The following CGAS variants were observed in gnomAD, a reference collection of about 807,000 sequenced individuals.
CGAS encodes cyclic GMP-AMP synthase, also known as 2'3'-cGAMP synthase.
Under a neutral mutation model 34.0 loss-of-function variants are expected in CGAS, and 31 were observed. The observed-to-expected ratio is 0.91, with a 90% CI of 0.69 to 1.23. The LOEUF (loss-of-function observed/expected upper bound fraction) is 1.23, where lower values mean the gene tolerates loss of function less well. Ranked by LOEUF, CGAS falls within the 50% of genes most tolerant of loss-of-function variation. The pLI, the probability that CGAS is intolerant of heterozygous loss-of-function variation, is 0.00. For missense variants in CGAS, 597 were observed against 657.6 expected (o/e 0.91, Z 1.01); for synonymous variants, 266 against 260.0 (o/e 1.02, Z -0.22).
intron 3 of CGAS, among the ~76,000 whole-genome samples, chr6:73,438,512 A>G (rs1225191106): frequency 6.6e-6 from 1 of 152,140 alleles, no homozygotes; most frequent in Non-Finnish European, 1.5e-5. Flanking sequence ...CCTGGCCAAC[A>G]TAATGAAACC....
chr6:73,428,189 A>T (rs981725651), intron 4 of CGAS, among the ~76,000 whole-genome samples: 3 of 151,244 alleles, frequency 2.0e-5, no homozygotes, highest in African/African-American at 2.4e-5. Context: ...GTGCCACTGC[A>T]CTCCAGTCTG....
At chr6:73,450,095 T>C (rs1291141948) in intron 1 of CGAS, among the ~76,000 whole-genome samples, 1 of 85,924 alleles carries the variant, frequency 1.2e-5, no homozygotes, top group Non-Finnish European at 2.8e-5. Context: ...GACAGAGAGA[T>C]AGAGAGAAGA....
intron 4 of CGAS, among the ~76,000 whole-genome samples, chr6:73,428,469 A>G (rs1770127699): frequency 6.6e-6 from 1 of 152,090 alleles, no homozygotes; most frequent in Non-Finnish European, 1.5e-5. Context: ...ACAAAAACAC[A>G]TTCATCTGAT....
chr6:73,445,597 T>C lies in CGAS; in HGVS notation c.808A>G (p.Ile270Val), dbSNP rs1770455781. The change falls in exon 2 of 5, where the codon ATA becomes GTA. Residue 270 changes from isoleucine to valine, a missense_variant. Around this residue, in one of 3 missense-constraint regions of CGAS, gnomAD observed 271 missense variants for 324.1 expected, o/e 0.84. Coordinates refer to ENST00000370315, the MANE Select transcript of CGAS (RefSeq NM_138441.3). ...NPLSQFLEGE[I>V]LSASKMLSKF... ...GACAGCATCTTAGAAGCTGATAATATTTCACCTTCTAAAAACTGACTCAGA... is the reference window on the plus strand; with the variant it reads ...GACAGCATCTTAGAAGCTGATAATACTTCACCTTCTAAAAACTGACTCAGA... The C allele has an allele frequency of 6.2e-7, 1 of 1,612,220 alleles. No homozygotes were observed. The highest frequency in any genetic ancestry group is 2.2e-5 in the East Asian group (1 of 44,708).
In CGAS at chr6:73,426,522, A is replaced by AT. The variant is rs113279771; in HGVS notation, c.1218-945dup. 6.8e-3 allele frequency among the ~76,000 whole-genome samples: 958 copies of AT among 140,652 alleles called. 8 individuals are homozygous for AT. Among genetic ancestry groups the AT allele is most frequent in the Middle Eastern group, 0.038 (11 of 286 alleles). The allele number at this position is 140,652 out of a possible 152,430, so 92.3% of individuals were successfully genotyped here. ...TATAAAGCTAACAGATATTTATACTATTTTTTTTTTTTTTGAGACAGGGTC... is the reference window on the plus strand; with the variant it reads ...TATAAAGCTAACAGATATTTATACTATTTTTTTTTTTTTTTGAGACAGGGTC... On this transcript the variant is annotated intron_variant, in intron 4 of 4. Transcript: ENST00000370315.
At position 73,451,508 on chromosome 6, in the gene CGAS, G is replaced by A. The variant is rs200975193; in HGVS notation, c.657+17C>T. 5.4e-5 allele frequency: 82 copies of A among 1,523,800 alleles called. No individual in the cohort carries two copies. The East Asian group carries it at 1.8e-3, about 33-fold the overall frequency. The allele number at this position is 1,523,800 out of a possible 1,614,324, so 94.4% of individuals were successfully genotyped here. A position where few individuals can be genotyped will look rare whatever the true frequency, so the allele number is the denominator to read the frequency against. The stretch of plus-strand genomic sequence containing the variant: ...GCCGAGCAGCGGGGCTCGGCGGGAG[G>A]GCGCCAAGCAGCTCACCTTCACGTG... On this transcript the variant is annotated intron_variant, in intron 1 of 4. Coordinates refer to ENST00000370315, the MANE Select transcript of CGAS (RefSeq NM_138441.3).
chr6:73,447,946 T>C (rs1472622276), intron 1 of CGAS, among the ~76,000 whole-genome samples: 2 of 152,248 alleles, frequency 1.3e-5, no homozygotes, highest in African/African-American at 2.4e-5. Flanking sequence ...CTTTTTCCCA[T>C]CTTATGCCTT....
chr6:73,428,953 G>T, intron 3 of CGAS, 142 bp from the exon 4 acceptor site: 1 of 700,390 alleles, frequency 1.4e-6, no homozygotes, highest in Non-Finnish European at 2.3e-6. Flanking sequence ...TTGGGAGGCC[G>T]AGGAGGGTGG....
In CGAS at chr6:73,425,427, G is replaced by A. The variant is rs1031745357; in HGVS notation, c.1369C>T (p.Arg457Cys). ...TCAAAGCAGAGGCCCAGGTCTTTGC[G>A]GTCCCACTGACTGTCTTGAGGGTTC... ...TQNPQDSQWD[R>C]KDLGLCFDNC... Residue 457 changes from arginine to cysteine, a missense_variant, in exon 5 of 5, where the codon CGC (arginine) becomes TGC (cysteine). By Grantham distance (180) the Arg-to-Cys change is radical. Transcript: ENST00000370315. The A allele has an allele frequency of 8.1e-6, 13 of 1,613,926 alleles. No individual in the cohort carries two copies. The highest frequency in any genetic ancestry group is 4.4e-5 in the South Asian group (4 of 91,064).
chr6:73,424,004 A>G lies in CGAS; in HGVS notation c.*1223T>C, dbSNP rs1770039410. On this transcript the variant is annotated 3_prime_UTR_variant, in exon 5 of 5. Coordinates refer to ENST00000370315, the MANE Select transcript of CGAS (RefSeq NM_138441.3). ...GAACAGGAAATATTTAACAAACAGC[A>G]GTTGCCTCTAGGCTGAATGCTACCT... 6.6e-6 allele frequency: 1 copy of G among 152,252 alleles called. No individual in the cohort carries two copies. The highest frequency in any genetic ancestry group is 1.5e-5 in the Non-Finnish European group (1 of 68,048). 9.4% of individuals were successfully genotyped at this position (152,252 alleles called of 1,614,324 possible). A position where few individuals can be genotyped will look rare whatever the true frequency, so the allele number is the denominator to read the frequency against.
intron 4 of CGAS, among the ~76,000 whole-genome samples, chr6:73,427,547 G>C (rs561634375): frequency 6.6e-6 from 1 of 152,220 alleles, no homozygotes; most frequent in Non-Finnish European, 1.5e-5. Flanking sequence ...TGATCCACCT[G>C]CCCTGGCCTC....
chr6:73,434,152 G>A (rs1646211256), intron 3 of CGAS, among the ~76,000 whole-genome samples: 2 of 152,278 alleles, frequency 1.3e-5, no homozygotes, highest in South Asian at 4.1e-4. Context: ...AAGAGTTCAG[G>A]GATAGCTACA....
chr6:73,439,571 C>CA (rs1770340349), intron 3 of CGAS, among the ~76,000 whole-genome samples: 1 of 151,820 alleles, frequency 6.6e-6, no homozygotes, highest in African/African-American at 2.4e-5. Context: ...AGCTGTAGAC[C>CA]AACTCAGTCT....
Position 73,452,020 on chromosome 6 carries a change from GGC to G in CGAS, c.160_161del (p.Ala54GlnfsTer41). 1 of 1,485,568 alleles carries G rather than the reference GGC, an allele frequency of 6.7e-7. No individual in the cohort carries two copies. 92.0% of individuals were successfully genotyped at this position (1,485,568 alleles called of 1,614,324 possible). On this transcript the variant is annotated frameshift_variant, in exon 1 of 5. Transcript: ENST00000370315. LOFTEE classifies it high-confidence loss of function. ...TTTTCTGCCGGGATCCCGACTTCCT[GGC>G]GGGGCCGAACTTTCCCGCCTTAGGC... ...ALPKAGKFGP[A>X]RKSGSRQKKS...
At chr6:73,428,018 G>T (rs1223373836) in intron 4 of CGAS, among the ~76,000 whole-genome samples, 1 of 151,926 alleles carries the variant, frequency 6.6e-6, no homozygotes, top group East Asian at 1.9e-4. Flanking sequence ...TCACCATGTT[G>T]CTAGGCTGGG....
In CGAS at chr6:73,451,592, A is replaced by G. The variant is rs751105985; in HGVS notation, c.590T>C (p.Leu197Pro). 9.3e-6 allele frequency: 15 copies of G among 1,613,714 alleles called. No homozygotes were observed. The highest frequency in any genetic ancestry group is 1.3e-5 in the Non-Finnish European group (15 of 1,179,862). The change falls in exon 1 of 5, where the codon CTG becomes CCG. Residue 197 changes from leucine to proline, a missense_variant. By Grantham distance (98) the Leu-to-Pro change is moderately conservative (BLOSUM62 -3). This residue lies in a region of CGAS where 321 missense variants were observed against 314.3 expected (regional missense o/e 1.02). Coordinates refer to ENST00000370315, the MANE Select transcript of CGAS (RefSeq NM_138441.3). ...KGVVDHLLLRLKCDSAFRGVG... is the reference protein window; with the variant it reads ...KGVVDHLLLRPKCDSAFRGVG... The stretch of plus-strand genomic sequence containing the variant: ...GCCTCTGAACGCGGAGTCGCACTTC[A>G]GTCTGAGCAGCAGGTGGTCCACAAC...
intron 3 of CGAS, among the ~76,000 whole-genome samples, chr6:73,435,846 G>A (rs530841585): frequency 6.6e-6 from 1 of 150,420 alleles, no homozygotes; most frequent in Admixed American, 6.7e-5. Context: ...TATTTTGTAT[G>A]TATATAAATT....
Position 73,436,375 on chromosome 6 carries a change from T to A in CGAS, c.1114+3834A>T, listed in dbSNP as rs554830876. On this transcript the variant is annotated intron_variant, in intron 3 of 4. Transcript: ENST00000370315. ...AATATATATTAAATATAAGTATTTA[T>A]ATGAATATATTTACATAAGTATTTA... 3.0e-3 allele frequency among the ~76,000 whole-genome samples: 441 copies of A among 149,034 alleles called. 2 individuals carry two copies. The highest frequency in any genetic ancestry group is 0.01 in the African/African-American group (420 of 41,008).
At chr6:73,428,640 A>T in intron 4 of CGAS, 69 bp downstream of exon 4, 1 of 1,415,588 alleles carries the variant, frequency 7.1e-7, no homozygotes, top group Non-Finnish European at 9.8e-7. Flanking sequence ...TTCAGGTCTG[A>T]GGTGTGGAGT....
Sources: allele counts gnomAD v4.1 joint callset (sites outside exome capture counted in the v4.1 genomes callset), GRCh38; gene constraint gnomAD v4.1.1; regional missense constraint gnomAD v4.1.1; transcripts MANE v1.5; gene names NCBI Gene and HGNC (gene_info 2026-07-23, HGNC 2026-07-21).